The following CPNE7 variants were observed in gnomAD, a reference collection of about 807,000 sequenced individuals.
CPNE7 encodes copine 7.
A neutral mutation model predicts 66.5 loss-of-function variants in CPNE7; 78 were observed. That is an observed-to-expected ratio of 1.17 (90% CI 0.98 to 1.42). The LOEUF (loss-of-function observed/expected upper bound fraction) is 1.42, where lower values mean the gene tolerates loss of function less well. Among genes scored for constraint, CPNE7 ranks in the 40% most tolerant of loss-of-function variants. The pLI is 0.00. For missense variants in CPNE7, 1,012 were observed against 776.6 expected (o/e 1.30, Z -3.60); for synonymous variants, 468 against 336.7 (o/e 1.39, Z -4.27).
At chr16:89,593,860 G>A (rs1269440631) in intron 13 of CPNE7, among the ~76,000 whole-genome samples, 2 of 152,210 alleles carry the variant, frequency 1.3e-5, no homozygotes, top group African/African-American at 4.8e-5. Flanking sequence ...GTCGAGGATT[G>A]CGTTCAGCTG....
intron 11 of CPNE7, 24 bp downstream of exon 11, chr16:89,589,975 C>T (rs763652647): frequency 6.2e-7 from 1 of 1,612,892 alleles, no homozygotes; most frequent in Non-Finnish European, 8.5e-7. Flanking sequence ...GAACCTGAGA[C>T]CTCAGAGCTG....
intron 13 of CPNE7, among the ~76,000 whole-genome samples, chr16:89,592,647 T>C (rs2059191247): frequency 6.7e-6 from 1 of 149,474 alleles, no homozygotes; most frequent in Non-Finnish European, 1.5e-5. Context: ...TTTCACAGTC[T>C]TGGCCAGGCT....
intron 2 of CPNE7, among the ~76,000 whole-genome samples, chr16:89,579,782 G>A (rs113791218): frequency 2.8e-4 from 28 of 98,426 alleles, no homozygotes; most frequent in East Asian, 5.8e-4. Flanking sequence ...GGAACATCCC[G>A]TCACCCGCTG....
intron 11 of CPNE7, 55 bp from the exon 12 acceptor site, chr16:89,590,952 G>T: frequency 6.2e-7 from 1 of 1,602,304 alleles, no homozygotes; most frequent in Non-Finnish European, 8.5e-7. Context: ...GGGACATGGG[G>T]CCAGTGGGGT....
At chr16:89,576,409 C>T (rs981590649) in intron 1 of CPNE7, among the ~76,000 whole-genome samples, 3 of 151,012 alleles carry the variant, frequency 2.0e-5, no homozygotes, top group Non-Finnish European at 4.4e-5. Flanking sequence ...GGGGCTCGAC[C>T]AAGAGGCGCA....
At chr16:89,594,292 G>C (rs1322486567) in intron 13 of CPNE7, 1 of 152,214 alleles carries the variant, frequency 6.6e-6, no homozygotes, top group Non-Finnish European at 1.5e-5. Flanking sequence ...GGGCACAGCC[G>C]TGGGTGCTTG....
Position 89,595,541 on chromosome 16 carries a change from C to T in CPNE7, c.1477C>T (p.Pro493Ser), listed in dbSNP as rs1445002668. 9 of 1,612,406 alleles carry T rather than the reference C, an allele frequency of 5.6e-6. No individual in the cohort carries two copies. In the East Asian group the frequency reaches 2.0e-4, roughly 36 times the overall value. ...LDGDDGVLRS[P>S]RGEPALRDIV... The stretch of plus-strand genomic sequence containing the variant: ...CGGCGACGACGGCGTCCTGCGCTCC[C>T]CACGGGGTGAGCCCGCGCTCCGGGA... The change falls in exon 14 of 15, where the codon CCA becomes TCA. Residue 493 changes from proline (P) to serine (S), a missense_variant. Physicochemically the swap from Pro to Ser is moderately conservative, Grantham distance 74. Coordinates refer to ENST00000319518, the MANE Select transcript of CPNE7 (RefSeq NM_153636.3).
rs201466181 is a variant in CPNE7, at chr16:89,583,516, G to A, written c.358-181G>A. 32 of 1,563,256 alleles carry A rather than the reference G, an allele frequency of 2.0e-5. No homozygotes were observed. In the East Asian group the frequency reaches 5.0e-4, roughly 25 times the overall value. ...GGTGGACGTGCAGGGGTGGCCACAC[G>A]CAGGGATGGCAGGTGCTTGAGAGCA... On this transcript the variant is annotated intron_variant, in intron 2 of 14. Coordinates refer to ENST00000319518, the MANE Select transcript of CPNE7 (RefSeq NM_153636.3).
At chr16:89,578,043 C>CTCTTTTT (rs1451072174) in intron 2 of CPNE7, among the ~76,000 whole-genome samples, 1 of 150,084 alleles carries the variant, frequency 6.7e-6, no homozygotes. Flanking sequence ...ATCACTTTTC[C>CTCTTTTT]TCTTTTTTCT....
chr16:89,579,737 ATCACCCATCACACAGAACATC>A (rs1446190313), intron 2 of CPNE7, among the ~76,000 whole-genome samples: 2 of 144,900 alleles, frequency 1.4e-5, no homozygotes, highest in Non-Finnish European at 3.0e-5. Context: ...GGAACATCCC[ATCACCCATCACACAGAACATC>A]TCACCCATCA....
chr16:89,588,865 G>T (rs147157244), intron 10 of CPNE7, 57 bp downstream of exon 10: 3 of 1,595,622 alleles, frequency 1.9e-6, no homozygotes, highest in African/African-American at 1.4e-5. Flanking sequence ...TGACAGGTGC[G>T]CCTGGCCGTC....
At chr16:89,590,943 G>A (rs2151455261) in intron 11 of CPNE7, 64 bp from the exon 12 acceptor site, 14 of 1,588,112 alleles carry the variant, frequency 8.8e-6, no homozygotes, top group Non-Finnish European at 1.2e-5. Flanking sequence ...GCTGACCGAG[G>A]GACATGGGGC....
At chr16:89,590,191 G>A (rs977282539) in intron 11 of CPNE7, among the ~76,000 whole-genome samples, 14 of 152,236 alleles carry the variant, frequency 9.2e-5, no homozygotes, top group Non-Finnish European at 1.9e-4. Context: ...AGGAGATAGG[G>A]AAGGACGTTA....
chr16:89,584,067 G>A lies in CPNE7; in HGVS notation c.472G>A (p.Glu158Lys), dbSNP rs1306192175. The A allele has an allele frequency of 6.2e-7, 1 of 1,612,222 alleles. No individual in the cohort carries two copies. The highest frequency in any genetic ancestry group is 1.1e-5 in the South Asian group (1 of 91,046). Reference protein sequence around the residue: ...EDISGNNGYVELSFRARKLDD... With the variant: ...EDISGNNGYVKLSFRARKLDD... ...CATCTCGGGGAACAACGGCTACGTG[G>A]AGCTCTCCTTCCGGGCCAGGAAGCT... The change falls in exon 4 of 15, where the codon GAG becomes AAG. Residue 158 changes from glutamate to lysine, a missense_variant. By Grantham distance (56) the Glu-to-Lys change is moderately conservative. Coordinates refer to ENST00000319518, the MANE Select transcript of CPNE7 (RefSeq NM_153636.3). The surrounding 1 kb of genome is among the most constrained non-coding windows in gnomAD (Gnocchi z 6.0).
chr16:89,576,562 G>A (rs1054611702), intron 1 of CPNE7, among the ~76,000 whole-genome samples: 8 of 152,206 alleles, frequency 5.3e-5, no homozygotes, highest in Non-Finnish European at 1.0e-4. Context: ...CGAACCCGCT[G>A]TGATCGCGGT....
intron 13 of CPNE7, among the ~76,000 whole-genome samples, chr16:89,595,160 A>G (rs1276239628): frequency 6.6e-6 from 1 of 152,058 alleles, no homozygotes; most frequent in Non-Finnish European, 1.5e-5. Context: ...TGAGCTGGGC[A>G]CAGGAGGCCC....
At chr16:89,585,652 C>T (rs1346263618) in intron 6 of CPNE7, 35 bp from the exon 7 acceptor site, 2 of 1,554,102 alleles carry the variant, frequency 1.3e-6, no homozygotes, top group Non-Finnish European at 1.7e-6. Flanking sequence ...CTGGGGCCCC[C>T]AGACAGCAGT....
At chr16:89,589,627 C>A (rs1212773586) in intron 10 of CPNE7, among the ~76,000 whole-genome samples, 1 of 152,144 alleles carries the variant, frequency 6.6e-6, no homozygotes, top group Non-Finnish European at 1.5e-5. Context: ...CTGAGAGCCC[C>A]CGGGGAGGCG....
intron 11 of CPNE7, among the ~76,000 whole-genome samples, chr16:89,590,154 G>A (rs1324522161): frequency 1.1e-4 from 17 of 152,226 alleles, no homozygotes; most frequent in African/African-American, 3.6e-4. Context: ...CTTGAGGGGT[G>A]TCTGGAGGCC....
Sources: gnomAD v4.1 joint callset for allele counts (sites outside exome capture counted in the v4.1 genomes callset) on GRCh38, gnomAD v4.1.1 for gene constraint, Gnocchi (gnomAD v3.1) non-coding constraint, MANE v1.5 for transcripts, NCBI Gene and HGNC (gene_info 2026-07-23, HGNC 2026-07-21) for gene names.